Variants in RGP1 observed in about 807,000 individuals in gnomAD.
The protein encoded by RGP1 is RGP1 partner of RAB6A GEF complex.
RGP1 carries 28 observed loss-of-function variants against 44.5 expected under a neutral mutation model. The ratio of observed to expected loss-of-function variants is 0.63; its 90% CI spans 0.47 to 0.86. The LOEUF (loss-of-function observed/expected upper bound fraction) is 0.86. Among genes scored for constraint, RGP1 ranks in the 40% least tolerant of loss-of-function variants. The probability of loss-of-function intolerance (pLI) is 0.00; values close to 1 mark genes in which losing one functional copy is unlikely to be tolerated. For missense variants in RGP1, 417 were observed against 490.7 expected (o/e 0.85, Z 1.42); for synonymous variants, 212 against 196.7 (o/e 1.08, Z -0.65).
At chr9:35,762,841 GA>G (rs771035960), downstream of RGP1, among the ~76,000 whole-genome samples, 328 of 140,034 alleles carry the variant, frequency 2.3e-3, 5 homozygotes, top group East Asian at 0.046. Context: ...CTTTTTAACG[GA>G]AAAAAAAAAA....
In RGP1 at chr9:35,749,333, C is replaced by A. The variant is rs993609834; in HGVS notation, c.-95C>A. ...CGGACGCCGCCGCCGCCGCCGCCGC[C>A]GCGTACCTAGCCAGGTCCCTGAGGG... On this transcript the variant is annotated 5_prime_UTR_variant, in exon 1 of 9. Transcript: ENST00000378078. The surrounding 1 kb of genome is among the most constrained non-coding windows in gnomAD (Gnocchi z 4.4). The A allele has an allele frequency of 3.8e-6, 2 of 531,690 alleles. No homozygotes were observed. Among genetic ancestry groups the A allele is most frequent in the Non-Finnish European group, 7.7e-6 (2 of 259,976 alleles). The allele number at this position is 531,690 out of a possible 1,614,324, so 32.9% of individuals were successfully genotyped here. A position where few individuals can be genotyped will look rare whatever the true frequency, so the allele number is the denominator to read the frequency against.
Position 35,755,332 on chromosome 9 carries a change from C to T in RGP1, c.*2458C>T, listed in dbSNP as rs1588037510. ...GCAGTTGCTGTGATTGGGGCTAAAG[C>T]TCTGAGGCAAAATGGGCGACATTAT... On this transcript the variant is annotated 3_prime_UTR_variant, in exon 9 of 9. Transcript: ENST00000378078. 6.6e-6 allele frequency: 1 copy of T among 152,246 alleles called. No individual in the cohort carries two copies. The highest frequency in any genetic ancestry group is 2.4e-5 in the African/African-American group (1 of 41,436). The allele number at this position is 152,246 out of a possible 1,614,324, so 9.4% of individuals were successfully genotyped here.
At chr9:35,787,119 T>TA in the RGP1 span, among the ~76,000 whole-genome samples, 2 of 150,840 alleles carry the variant, frequency 1.3e-5, no homozygotes, top group African/African-American at 4.9e-5. Flanking sequence ...TTTTTTTTTT[T>TA]AAATAATAAA....
chr9:35,751,333 T>G lies in RGP1; in HGVS notation c.555T>G (p.Asp185Glu). Residue 185 changes from aspartate (D) to glutamate (E), a missense_variant, in exon 6 of 9, where the codon GAT (aspartate) becomes GAG (glutamate). Transcript: ENST00000378078. The stretch of plus-strand genomic sequence containing the variant: ...CATCCAGTCCATTCTTGGAGGAGGA[T>G]GAAGGTGGGAAGAAAGATTCATGGC... The part of the protein sequence containing the change: ...VAPSSPFLEE[D>E]EGGKKDSWLA... 1 of 1,613,944 alleles carries G rather than the reference T, an allele frequency of 6.2e-7. No individual in the cohort carries two copies. Among genetic ancestry groups the G allele is most frequent in the Non-Finnish European group, 8.5e-7 (1 of 1,179,864 alleles).
the RGP1 span, among the ~76,000 whole-genome samples, chr9:35,775,304 TG>T: frequency 6.6e-6 from 1 of 152,094 alleles, no homozygotes; most frequent in Non-Finnish European, 1.5e-5. Flanking sequence ...CAAGGGAAGG[TG>T]AGGCAATGCA....
chr9:35,776,856 G>A, the RGP1 span, among the ~76,000 whole-genome samples: 13 of 151,626 alleles, frequency 8.6e-5, no homozygotes, highest in Admixed American at 2.6e-4. Context: ...TTAGCCGGAC[G>A]TGGTGGCGGG....
chr9:35,758,725 A>G (rs1387898172), downstream of RGP1: 1 of 151,928 alleles, frequency 6.6e-6, no homozygotes, highest in African/African-American at 2.4e-5. Context: ...AAAACTTCAC[A>G]CCGACTTCCT....
the RGP1 span, among the ~76,000 whole-genome samples, chr9:35,775,488 A>G: frequency 6.6e-6 from 1 of 152,058 alleles, no homozygotes; most frequent in East Asian, 1.9e-4. Flanking sequence ...GGGAAGAGAT[A>G]GTCTGGCTTC....
chr9:35,773,509 CTT>C, the RGP1 span, among the ~76,000 whole-genome samples: 2 of 146,864 alleles, frequency 1.4e-5, no homozygotes, highest in Admixed American at 6.8e-5. Flanking sequence ...TTTCCTTTTT[CTT>C]TTTTTTTTTG....
chr9:35,753,830 TG>T lies in RGP1; in HGVS notation c.*958del, dbSNP rs1827315077. 2.6e-6 allele frequency: 4 copies of T among 1,542,270 alleles called. No individual in the cohort carries two copies. Among genetic ancestry groups the T allele is most frequent in the African/African-American group, 2.7e-5 (2 of 73,492 alleles). ...TGCTGATGAGAGGCAGAGGCTCTTC[TG>T]GTCTGGGGTGGAGACAGTAAGTACG... On this transcript the variant is annotated 3_prime_UTR_variant, in exon 9 of 9. Coordinates refer to ENST00000378078, the MANE Select transcript of RGP1 (RefSeq NM_001080496.3). The surrounding 1 kb of genome is among the most constrained non-coding windows in gnomAD (Gnocchi z 4.2).
rs374688253 is a variant in RGP1, at chr9:35,752,142, A to G, written c.949A>G (p.Ile317Val). The change falls in exon 8 of 9, where the codon ATT (isoleucine) becomes GTT (valine). Residue 317 changes from isoleucine (I) to valine (V), a missense_variant. Coordinates refer to ENST00000378078, the MANE Select transcript of RGP1 (RefSeq NM_001080496.3). ...LSSTPGFCTA[I>V]VSLKWRLHFE... ...CTCCACCCCAGGCTTCTGTACAGCC[A>G]TTGGTGAGACCCTCACTGTTACTGG... is the stretch of plus-strand genomic sequence containing the variant. 6.4e-7 allele frequency: 1 copy of G among 1,557,220 alleles called. No homozygotes were observed. The highest frequency in any genetic ancestry group is 8.7e-7 in the Non-Finnish European group (1 of 1,153,122).
At chr9:35,758,637 G>T (rs1378405252), downstream of RGP1, 1 of 152,088 alleles carries the variant, frequency 6.6e-6, no homozygotes, top group African/African-American at 2.4e-5. Flanking sequence ...CTCCCGTGCT[G>T]TTTTAGCCCC....
chr9:35,771,707 C>T, the RGP1 span, among the ~76,000 whole-genome samples: 1 of 152,128 alleles, frequency 6.6e-6, no homozygotes, highest in Non-Finnish European at 1.5e-5. Context: ...GGCTGTAATC[C>T]AGCTGGCTGG....
At position 35,753,359 on chromosome 9, in the gene RGP1, C is replaced by T. The variant is rs1827304291; in HGVS notation, c.*485C>T. The T allele has an allele frequency of 1.1e-5, 16 of 1,493,864 alleles. No homozygotes were observed. The South Asian group carries it at 1.9e-4, about 18-fold the overall frequency. The allele number at this position is 1,493,864 out of a possible 1,614,324, so 92.5% of individuals were successfully genotyped here. ...CCCTGCCCACATGTTCCCTCTCTCA[C>T]AGTTTTCCCCCCACAGAGCCCCTTT... is the stretch of plus-strand genomic sequence containing the variant. On this transcript the variant is annotated 3_prime_UTR_variant, in exon 9 of 9. Coordinates refer to ENST00000378078, the MANE Select transcript of RGP1 (RefSeq NM_001080496.3). This position sits in a 1 kb window ranked among gnomAD's most constrained non-coding sequence, Gnocchi z 4.2.
chr9:35,774,916 T>C, the RGP1 span, among the ~76,000 whole-genome samples: 1 of 152,270 alleles, frequency 6.6e-6, no homozygotes, highest in Admixed American at 6.5e-5. Context: ...CATCCTTGTC[T>C]TTTTCAGCAG....
chr9:35,790,135 T>A, the RGP1 span: 2 of 152,548 alleles, frequency 1.3e-5, no homozygotes, highest in African/African-American at 4.9e-5. Flanking sequence ...TGTTCCTTTT[T>A]TTTTTTTTTG....
the RGP1 span, among the ~76,000 whole-genome samples, chr9:35,784,713 C>T: frequency 6.6e-6 from 1 of 152,148 alleles, no homozygotes; most frequent in Non-Finnish European, 1.5e-5. Context: ...CGTGATCCAC[C>T]CGCCTCGGCC....
chr9:35,761,860 A>G (rs761768610), downstream of RGP1, among the ~76,000 whole-genome samples: 2 of 152,166 alleles, frequency 1.3e-5, no homozygotes, highest in African/African-American at 2.4e-5. Context: ...GATGCTTTAA[A>G]ATACTGACTC....
At chr9:35,787,668 G>A in the RGP1 span, among the ~76,000 whole-genome samples, 3 of 152,224 alleles carry the variant, frequency 2.0e-5, no homozygotes, top group Admixed American at 1.3e-4. Flanking sequence ...CTAATTTCAG[G>A]ATTCTGTCTC....
Sources: allele counts gnomAD v4.1 joint callset (sites outside exome capture counted in the v4.1 genomes callset), GRCh38; gene constraint gnomAD v4.1.1; non-coding constraint Gnocchi (gnomAD v3.1); transcripts MANE v1.5; gene names NCBI Gene and HGNC (gene_info 2026-07-23, HGNC 2026-07-21).